Variants in GALC observed in about 807,000 individuals in gnomAD.
GALC encodes the protein galactocerebrosidase.
Under a neutral mutation model 91.8 loss-of-function variants are expected in GALC, and 77 were observed. The observed-to-expected ratio is 0.84, with a 90% CI of 0.70 to 1.01. The LOEUF (loss-of-function observed/expected upper bound fraction) is 1.01. Ranked by LOEUF, GALC falls within the 50% of genes least tolerant of loss-of-function variation. GALC has a pLI of 0.00. For missense variants in GALC, 882 were observed against 855.9 expected (o/e 1.03, Z -0.38); for synonymous variants, 357 against 306.7 (o/e 1.16, Z -1.71).
intron 3 of GALC, chr14:87,986,993 G>A: frequency 2.2e-6 from 1 of 449,190 alleles, no homozygotes; most frequent in Admixed American, 2.5e-5. Flanking sequence ...TTTCAACGCT[G>A]GATATGAATC....
chr14:87,976,285 G>A (rs1886488049), intron 7 of GALC, 73 bp downstream of exon 7: 1 of 1,535,088 alleles, frequency 6.5e-7, no homozygotes. Context: ...TGGGGAGAAG[G>A]CAAGAAAAAG....
In GALC at chr14:87,993,064, C is replaced by G; in HGVS notation, c.101G>C (p.Cys34Ser). 6.3e-7 allele frequency: 1 copy of G among 1,575,974 alleles called. No individual in the cohort carries two copies. Among genetic ancestry groups the G allele is most frequent in the Non-Finnish European group, 8.6e-7 (1 of 1,161,896 alleles). ...CGCGCCGCCGGGCGCCAGCAGCGCA[C>G]ACAGCAGCAAGGGCACCGCGGCGCG... ...AGRAAVPLLL[C>S]ALLAPGGAYV... Residue 34 changes from cysteine to serine, a missense_variant, in exon 1 of 17, where the codon TGT becomes TCT. Cys to Ser is a moderately radical substitution (Grantham distance 112, BLOSUM62 -1). Coordinates refer to ENST00000261304, the MANE Select transcript of GALC (RefSeq NM_000153.4).
chr14:87,934,639 A>T lies in GALC; in HGVS notation c.*93T>A, dbSNP rs1884490805. ...CATTATTTTTAGTCTCAAAAGCCTC[A>T]TATACTGTTCCAATGAAACAAGAAT... On this transcript the variant is annotated 3_prime_UTR_variant, in exon 17 of 17. Transcript: ENST00000261304. 6 of 1,604,304 alleles carry T rather than the reference A, an allele frequency of 3.7e-6. No individual in the cohort carries two copies. In the Admixed American group the frequency reaches 1.0e-4, roughly 27 times the overall value.
chr14:87,941,367 G>A lies in GALC; in HGVS notation c.1834+28C>T. 3 of 1,317,242 alleles carry A rather than the reference G, an allele frequency of 2.3e-6. No homozygotes were observed. The South Asian group carries it at 3.6e-5, about 16-fold the overall frequency. The allele number at this position is 1,317,242 out of a possible 1,614,324, so 81.6% of individuals were successfully genotyped here. Reference sequence around the variant, plus strand: ...AAGTAACATAGCCCATAAGTCATATGCTATTAAAAAAAAAAAAAGTCAGTT... The same window carrying A: ...AAGTAACATAGCCCATAAGTCATATACTATTAAAAAAAAAAAAAGTCAGTT... On this transcript the variant is annotated intron_variant, in intron 15 of 16. Transcript: ENST00000261304.
At chr14:87,964,625 A>C (rs1369914762) in intron 9 of GALC, among the ~76,000 whole-genome samples, 3 of 152,146 alleles carry the variant, frequency 2.0e-5, no homozygotes, top group Admixed American at 6.6e-5. Context: ...CTAATGAATG[A>C]TACTGTAGTA....
Position 87,934,037 on chromosome 14 carries a change from G to A in GALC, c.*695C>T. On this transcript the variant is annotated 3_prime_UTR_variant, in exon 17 of 17. Coordinates refer to ENST00000261304, the MANE Select transcript of GALC (RefSeq NM_000153.4). The stretch of plus-strand genomic sequence containing the variant: ...TCACAGAGAGTTATAGTGGTTACAA[G>A]ACCAAAACTTGGAATCAAAAAAATT... The A allele has an allele frequency of 1.3e-6, 2 of 1,533,558 alleles. No individual in the cohort carries two copies. The highest frequency in any genetic ancestry group is 1.7e-6 in the Non-Finnish European group (2 of 1,145,536). 95.0% of individuals were successfully genotyped at this position (1,533,558 alleles called of 1,614,324 possible).
chr14:87,943,850 A>G (rs1417161142), intron 14 of GALC, among the ~76,000 whole-genome samples: 1 of 151,968 alleles, frequency 6.6e-6, no homozygotes, highest in Non-Finnish European at 1.5e-5. Context: ...AATACTGGAA[A>G]ATAACACATA....
intron 8 of GALC, 76 bp downstream of exon 8, chr14:87,968,259 G>A (rs924136855): frequency 5.9e-5 from 74 of 1,248,680 alleles, no homozygotes; most frequent in African/African-American, 1.4e-4. Flanking sequence ...GAAGAATAAG[G>A]AATTCCATTT....
At chr14:87,956,621 C>A (rs199704396) in intron 10 of GALC, among the ~76,000 whole-genome samples, 8 of 49,436 alleles carry the variant, frequency 1.6e-4, no homozygotes, top group African/African-American at 6.7e-4. Flanking sequence ...CACACACACA[C>A]CATATATATA....
chr14:87,953,210 C>T (rs1327001463), intron 10 of GALC: 20 of 1,497,586 alleles, frequency 1.3e-5, no homozygotes, highest in East Asian at 2.3e-5. Flanking sequence ...TCAACTGATA[C>T]GGAATTTCTC....
Position 87,947,841 on chromosome 14 carries a change from T to A in GALC, c.1376A>T (p.His459Leu). ...DSDGSFTLSL[H>L]EDELFTLTTL... ...GGTGAGTGTGAACAGCTCATCTTCA[T>A]GCAGGCTCAGTGTGAAACTGCCATC... Residue 459 changes from histidine to leucine, a missense_variant, in exon 13 of 17, where the codon CAT (histidine) becomes CTT (leucine). Coordinates refer to ENST00000261304, the MANE Select transcript of GALC (RefSeq NM_000153.4). 6.2e-7 allele frequency: 1 copy of A among 1,612,672 alleles called. No homozygotes were observed. Among genetic ancestry groups the A allele is most frequent in the Non-Finnish European group, 8.5e-7 (1 of 1,179,136 alleles).
chr14:87,935,627 T>C (rs1194164318), intron 16 of GALC, among the ~76,000 whole-genome samples: 2 of 152,014 alleles, frequency 1.3e-5, no homozygotes, highest in Non-Finnish European at 2.9e-5. Context: ...AAATCTCAGC[T>C]CTTATTATCT....
chr14:87,947,919 T>C (rs750949831), intron 12 of GALC, 41 bp from the exon 13 acceptor site: 29 of 1,581,598 alleles, frequency 1.8e-5, no homozygotes, highest in Admixed American at 1.0e-4. Context: ...CCAGGTACTA[T>C]AGCTCATCTC....
At position 87,963,431 on chromosome 14, in the gene GALC, C is replaced by T. The variant is rs759286485; in HGVS notation, c.1114G>A (p.Ala372Thr). 30 of 1,613,334 alleles carry T rather than the reference C, an allele frequency of 1.9e-5. No homozygotes were observed. The Admixed American group carries it at 2.5e-4, about 13-fold the overall frequency. The part of the protein sequence containing the change: ...GHLEKGGSYV[A>T]LTDGLGNLTI... ...AGGTTCCCTAAGCCATCAGTCAGAG[C>T]TACGTAGCTTCCTCCTTTCTCTAAA... The change falls in exon 10 of 17, where the codon GCT becomes ACT. Residue 372 changes from alanine to threonine, a missense_variant. Transcript: ENST00000261304.
At chr14:87,937,482 A>AC (rs1884629435) in intron 16 of GALC, among the ~76,000 whole-genome samples, 1 of 151,958 alleles carries the variant, frequency 6.6e-6, no homozygotes, top group South Asian at 2.1e-4. Context: ...AGTTGATGAA[A>AC]CACAAAATAA....
chr14:87,961,849 T>A (rs433738), intron 10 of GALC, among the ~76,000 whole-genome samples: 1 of 152,112 alleles, frequency 6.6e-6, no homozygotes, highest in South Asian at 2.1e-4. Flanking sequence ...AAGTACCCGA[T>A]CGAGAGAAGA....
chr14:87,948,522 TG>T (rs1376876374), intron 12 of GALC, among the ~76,000 whole-genome samples: 1 of 152,050 alleles, frequency 6.6e-6, no homozygotes, highest in Non-Finnish European at 1.5e-5. Context: ...GTGTGACCAA[TG>T]GAAAACGCTC....
chr14:87,991,297 G>T (rs1160917398), intron 1 of GALC, among the ~76,000 whole-genome samples: 1 of 152,148 alleles, frequency 6.6e-6, no homozygotes, highest in Non-Finnish European at 1.5e-5. Flanking sequence ...CCGCCTCCCG[G>T]GTTCAAGCGA....
rs1884498480 is a variant in GALC, at chr14:87,934,788, T to G, written c.2002A>C (p.Thr668Pro). The G allele has an allele frequency of 1.2e-6, 2 of 1,612,784 alleles. No homozygotes were observed. Among genetic ancestry groups the G allele is most frequent in the East Asian group, 4.5e-5 (2 of 44,828 alleles). ...FPKNGWAAIGTHSFEFAQFDN... is the reference protein window; with the variant it reads ...FPKNGWAAIGPHSFEFAQFDN... The stretch of plus-strand genomic sequence containing the variant: ...AACTGTGCAAATTCAAAGGAGTGAG[T>G]TCCAATTGCAGCCCAGCCATTCTTT... The change falls in exon 17 of 17, where the codon ACT becomes CCT. Residue 668 changes from threonine (T) to proline (P), a missense_variant. Thr to Pro is a conservative substitution (Grantham distance 38). Coordinates refer to ENST00000261304, the MANE Select transcript of GALC (RefSeq NM_000153.4).
Sources: gnomAD v4.1 joint callset for allele counts (sites outside exome capture counted in the v4.1 genomes callset) on GRCh38, gnomAD v4.1.1 for gene constraint, MANE v1.5 for transcripts, NCBI Gene and HGNC (gene_info 2026-07-23, HGNC 2026-07-21) for gene names.